The following LYPLAL1 variants were observed in gnomAD, a reference collection of about 807,000 sequenced individuals.
LYPLAL1 encodes the protein lysophospholipase like 1.
In LYPLAL1, 23 loss-of-function variants were observed where a neutral mutation model predicts 19.7. That is an observed-to-expected ratio of 1.17 (90% CI 0.84 to 1.65). The LOEUF (loss-of-function observed/expected upper bound fraction) is 1.65. Ranked by LOEUF, LYPLAL1 falls within the 40% of genes most tolerant of loss-of-function variation. LYPLAL1 has a pLI of 0.00. For synonymous variants in LYPLAL1, 119 were observed against 96.3 expected (o/e 1.24, Z -1.38); for missense variants, 355 against 279.4 (o/e 1.27, Z -1.93).
At chr1:219,191,663 GAGA>G (rs1657191202) in intron 2 of LYPLAL1, among the ~76,000 whole-genome samples, 1 of 151,478 alleles carries the variant, frequency 6.6e-6, no homozygotes, top group African/African-American at 2.4e-5. Flanking sequence ...GGGAGTTGGA[GAGA>G]AGAGGAGGAA....
At chr1:219,384,301 G>A in the LYPLAL1 span, among the ~76,000 whole-genome samples, 4 of 152,172 alleles carry the variant, frequency 2.6e-5, no homozygotes, top group African/African-American at 9.7e-5. Flanking sequence ...TGATACTCTT[G>A]CCAGTTTTTA....
chr1:219,326,636 C>A, the LYPLAL1 span, among the ~76,000 whole-genome samples: 7 of 152,140 alleles, frequency 4.6e-5, no homozygotes, highest in Non-Finnish European at 8.8e-5. Flanking sequence ...GCCTCCTTGG[C>A]GCCTTTCCTG....
the LYPLAL1 span, among the ~76,000 whole-genome samples, chr1:219,350,860 G>A: frequency 6.6e-4 from 100 of 152,246 alleles, 1 homozygote; most frequent in East Asian, 0.016. Context: ...AGCTAAGTGG[G>A]GTGAAAGGGA....
At chr1:219,197,747 C>T (rs1333408340) in intron 3 of LYPLAL1, among the ~76,000 whole-genome samples, 2 of 152,090 alleles carry the variant, frequency 1.3e-5, no homozygotes, top group Non-Finnish European at 2.9e-5. Context: ...GGTCTAATAT[C>T]CAGAATCTAC....
chr1:219,356,358 G>T, the LYPLAL1 span, among the ~76,000 whole-genome samples: 1 of 151,940 alleles, frequency 6.6e-6, no homozygotes, highest in African/African-American at 2.4e-5. Context: ...AAATTAGCTG[G>T]GCATGGTGAT....
chr1:219,328,906 G>A, the LYPLAL1 span, among the ~76,000 whole-genome samples: 2 of 152,122 alleles, frequency 1.3e-5, no homozygotes, highest in Non-Finnish European at 2.9e-5. Context: ...TCATGAATAA[G>A]TGTCTTGTTT....
chr1:219,186,361 A>G (rs994431315), intron 2 of LYPLAL1, among the ~76,000 whole-genome samples: 1 of 151,816 alleles, frequency 6.6e-6, no homozygotes, highest in African/African-American at 2.4e-5. Context: ...CAAATTCTGT[A>G]TATGCTTAGT....
At chr1:219,201,241 G>A (rs1369314092) in intron 3 of LYPLAL1, among the ~76,000 whole-genome samples, 1 of 151,298 alleles carries the variant, frequency 6.6e-6, no homozygotes, top group Non-Finnish European at 1.5e-5. Flanking sequence ...TAATTGTTTT[G>A]AAATAATTTC....
chr1:219,396,208 G>A, the LYPLAL1 span, among the ~76,000 whole-genome samples: 1 of 151,958 alleles, frequency 6.6e-6, no homozygotes, highest in Non-Finnish European at 1.5e-5. Flanking sequence ...CCCCATTGAT[G>A]TTTTTTGTCT....
At chr1:219,216,086 C>G (rs1477131688), downstream of LYPLAL1, among the ~76,000 whole-genome samples, 1 of 151,926 alleles carries the variant, frequency 6.6e-6, no homozygotes, top group Non-Finnish European at 1.5e-5. Flanking sequence ...TTCTAAAATG[C>G]ACTTATTTTT....
chr1:219,236,903 C>G, the LYPLAL1 span, among the ~76,000 whole-genome samples: 1 of 152,100 alleles, frequency 6.6e-6, no homozygotes, highest in Non-Finnish European at 1.5e-5. Context: ...TGATGCTCTC[C>G]CTCCCCCACA....
chr1:219,359,652 G>A, the LYPLAL1 span, among the ~76,000 whole-genome samples: 27 of 152,110 alleles, frequency 1.8e-4, no homozygotes, highest in Admixed American at 1.2e-3. Context: ...AATAACATCT[G>A]TCTACTTATG....
chr1:219,296,887 G>T, the LYPLAL1 span, among the ~76,000 whole-genome samples: 71 of 152,320 alleles, frequency 4.7e-4, no homozygotes, highest in African/African-American at 1.7e-3. Flanking sequence ...CAACGAATCA[G>T]AAGAACTCTG....
chr1:219,217,591 A>G (rs138168447), downstream of LYPLAL1, among the ~76,000 whole-genome samples: 1 of 152,248 alleles, frequency 6.6e-6, no homozygotes, highest in African/African-American at 2.4e-5. Context: ...CAATATATTC[A>G]GAGGAGACCT....
At chr1:219,320,775 C>CT in the LYPLAL1 span, among the ~76,000 whole-genome samples, 2 of 152,144 alleles carry the variant, frequency 1.3e-5, no homozygotes, top group Non-Finnish European at 2.9e-5. Context: ...CAAACTCATC[C>CT]TTTTTTATTG....
rs147352628 is a variant in LYPLAL1, at chr1:219,180,061, G to C, written c.191+815G>C. On this transcript the variant is annotated intron_variant, in intron 2 of 4. Coordinates refer to ENST00000366928, the MANE Select transcript of LYPLAL1 (RefSeq NM_138794.5). ...GCCTAGGCTGGAGTGCAGTGGTGCAGTCTTGGCCCACAGCAGCCTTTGCCT... is the reference window on the plus strand; with the variant it reads ...GCCTAGGCTGGAGTGCAGTGGTGCACTCTTGGCCCACAGCAGCCTTTGCCT... 8.9e-3 allele frequency among the ~76,000 whole-genome samples: 1,348 copies of C among 152,104 alleles called. 10 individuals carry two copies. Among genetic ancestry groups the C allele is most frequent in the South Asian group, 0.021 (99 of 4,814 alleles).
At chr1:219,259,268 C>T in the LYPLAL1 span, among the ~76,000 whole-genome samples, 28 of 151,844 alleles carry the variant, frequency 1.8e-4, no homozygotes, top group African/African-American at 6.5e-4. Context: ...GAGTATCTAC[C>T]CTGAGGAAAA....
rs574499144 is a variant in LYPLAL1 at position 219,196,819 on chromosome 1, A to G, written c.361+3568A>G. Among the ~76,000 whole-genome samples, 3 of 152,284 alleles carry G rather than the reference A, an allele frequency of 2.0e-5. No homozygotes were observed. In the South Asian group the frequency reaches 6.2e-4, roughly 32 times the overall value. On this transcript the variant is annotated intron_variant, in intron 3 of 4. Transcript: ENST00000366928. ...AGGAAAGTCTCAGGATACAAAATCAATATGTAGAAATCACAAGCATTCCTA... is the reference window on the plus strand; with the variant it reads ...AGGAAAGTCTCAGGATACAAAATCAGTATGTAGAAATCACAAGCATTCCTA...
chr1:219,180,405 A>T (rs1020509845), intron 2 of LYPLAL1, among the ~76,000 whole-genome samples: 3 of 152,222 alleles, frequency 2.0e-5, no homozygotes, highest in Admixed American at 1.3e-4. Context: ...ATGTACTAAT[A>T]AGAATTTACT....
Sources: allele counts gnomAD v4.1 joint callset (sites outside exome capture counted in the v4.1 genomes callset), GRCh38; gene constraint gnomAD v4.1.1; transcripts MANE v1.5; gene names NCBI Gene and HGNC (gene_info 2026-07-23, HGNC 2026-07-21).